NRXN1: variants seen among roughly 807,000 people sequenced by gnomAD.
The protein encoded by NRXN1 is neurexin-1.
NRXN1 carries 39 observed loss-of-function variants against 150.9 expected under a neutral mutation model. That is an observed-to-expected ratio of 0.26 (90% CI 0.20 to 0.34). NRXN1 has a LOEUF of 0.34. Ranked by LOEUF, NRXN1 falls within the 10% of genes least tolerant of loss-of-function variation. NRXN1 has a pLI of 1.00. For synonymous variants in NRXN1, 924 were observed against 757.0 expected, an observed-to-expected ratio of 1.22 and a Z score of -3.62; for missense variants, 1,815 against 1,949.9, an observed-to-expected ratio of 0.93 and a Z score of 1.30.
At chr2:50,861,761 AT>A (rs1208757283) in intron 5 of NRXN1, among the ~76,000 whole-genome samples, 10 of 152,018 alleles carry the variant, frequency 6.6e-5, no homozygotes, top group Non-Finnish European at 1.5e-4. Context: ...TTGAGCTGAT[AT>A]TTTTTTCCTA....
chr2:50,179,303 T>C lies in NRXN1; in HGVS notation c.3546+57486A>G, dbSNP rs979528022. On this transcript the variant is annotated intron_variant, in intron 18 of 22. Coordinates refer to ENST00000401669, the MANE Select transcript of NRXN1 (RefSeq NM_001330078.2). ...GCATATTAGCCACAGAGAAACAAGATACATAAATTCTGGGACCACCTAAAG... is the reference window on the plus strand; with the variant it reads ...GCATATTAGCCACAGAGAAACAAGACACATAAATTCTGGGACCACCTAAAG... Among the ~76,000 whole-genome samples, 4 of 152,216 alleles carry C rather than the reference T, an allele frequency of 2.6e-5. No homozygotes were observed. The South Asian group carries it at 8.3e-4, about 32-fold the overall frequency.
At chr2:50,611,371 G>A (rs1204145420) in intron 8 of NRXN1, among the ~76,000 whole-genome samples, 1 of 152,098 alleles carries the variant, frequency 6.6e-6, no homozygotes, top group Non-Finnish European at 1.5e-5. Flanking sequence ...AAAATGATGG[G>A]AAATAAAAAT....
At chr2:49,967,357 A>G (rs955692725) in intron 21 of NRXN1, among the ~76,000 whole-genome samples, 1 of 152,078 alleles carries the variant, frequency 6.6e-6, no homozygotes, top group Admixed American at 6.6e-5. Context: ...ACTCCCATAT[A>G]TTACATATAA....
intron 5 of NRXN1, among the ~76,000 whole-genome samples, chr2:50,803,221 T>C (rs1707857720): frequency 6.6e-6 from 1 of 152,220 alleles, no homozygotes; most frequent in African/African-American, 2.4e-5. Flanking sequence ...GAACTACTAA[T>C]AAATGTTTCA....
rs1337870884 is a variant in NRXN1, at chr2:50,252,025, C to T, written c.3365-15055G>A. Among the ~76,000 whole-genome samples the T allele has an allele frequency of 2.6e-5, 4 of 151,896 alleles. No homozygotes were observed. In the East Asian group the frequency reaches 7.7e-4, roughly 29 times the overall value. The stretch of plus-strand genomic sequence containing the variant: ...GATAGTTTCTTTTGCTGTGCAGAAG[C>T]TCTTTAGTTTAATTAGATCCCATTT... On this transcript the variant is annotated intron_variant, in intron 17 of 22. Transcript: ENST00000401669.
chr2:50,075,246 C>T (rs528893351), intron 19 of NRXN1, among the ~76,000 whole-genome samples: 78 of 152,156 alleles, frequency 5.1e-4, no homozygotes, highest in South Asian at 3.9e-3. Context: ...TCTACTTTGA[C>T]GAGTCACTGA....
At chr2:50,810,660 T>C (rs1257952149) in intron 5 of NRXN1, among the ~76,000 whole-genome samples, 1 of 152,136 alleles carries the variant, frequency 6.6e-6, no homozygotes, top group African/African-American at 2.4e-5. Context: ...TTAATCAGCA[T>C]AATAAGTAAG....
chr2:50,964,400 C>A (rs1693717349), intron 2 of NRXN1, among the ~76,000 whole-genome samples: 1 of 151,452 alleles, frequency 6.6e-6, no homozygotes, highest in South Asian at 2.1e-4. Context: ...GCATTCTGTA[C>A]CTTCTATTCC....
chr2:50,642,902 AC>A (rs1194320443), intron 5 of NRXN1, among the ~76,000 whole-genome samples: 1 of 151,994 alleles, frequency 6.6e-6, no homozygotes, highest in Non-Finnish European at 1.5e-5. Context: ...GTTTTACACT[AC>A]CTGTCAAAGA....
intron 5 of NRXN1, among the ~76,000 whole-genome samples, chr2:50,921,039 G>T (rs990969199): frequency 6.6e-6 from 1 of 151,632 alleles, no homozygotes; most frequent in Non-Finnish European, 1.5e-5. Context: ...AGATATTCCT[G>T]CATTTAAACT....
chr2:50,947,302 G>A (rs1440966621), intron 2 of NRXN1, among the ~76,000 whole-genome samples: 2 of 151,914 alleles, frequency 1.3e-5, no homozygotes, highest in Admixed American at 6.6e-5. Context: ...TTTGGTGAAT[G>A]AATAAATGAA....
intron 5 of NRXN1, among the ~76,000 whole-genome samples, chr2:50,802,356 G>A (rs2105701075): frequency 6.6e-6 from 1 of 152,236 alleles, no homozygotes; most frequent in African/African-American, 2.4e-5. Flanking sequence ...GTGGAGCATG[G>A]TGGTGGGTGC....
intron 17 of NRXN1, among the ~76,000 whole-genome samples, chr2:50,430,519 A>G (rs535863238): frequency 1.3e-5 from 2 of 152,354 alleles, no homozygotes; most frequent in African/African-American, 4.8e-5. Flanking sequence ...TTAAATTTAA[A>G]TAGTCACATG....
intron 9 of NRXN1, among the ~76,000 whole-genome samples, chr2:50,539,935 C>G (rs548001815): frequency 6.6e-6 from 1 of 152,102 alleles, no homozygotes; most frequent in Non-Finnish European, 1.5e-5. Context: ...ACCAAAAGCC[C>G]GCCCCAAGTG....
intron 5 of NRXN1, among the ~76,000 whole-genome samples, chr2:50,842,027 G>A (rs926198009): frequency 5.3e-5 from 8 of 152,148 alleles, no homozygotes; most frequent in South Asian, 2.1e-4. Flanking sequence ...CAAATAACTA[G>A]CTTGAATGAA....
intron 8 of NRXN1, among the ~76,000 whole-genome samples, chr2:50,571,399 G>A (rs1263274614): frequency 6.6e-6 from 1 of 152,148 alleles, no homozygotes; most frequent in African/African-American, 2.4e-5. Context: ...CAATGAGGAT[G>A]AAAAGTTTGA....
chr2:50,796,445 GCT>G (rs1005793905), intron 5 of NRXN1, among the ~76,000 whole-genome samples: 38 of 151,780 alleles, frequency 2.5e-4, no homozygotes, highest in African/African-American at 9.0e-4. Flanking sequence ...GAATGAACCC[GCT>G]CTCTCTCTCT....
chr2:50,430,934 T>C (rs76228450), intron 17 of NRXN1, among the ~76,000 whole-genome samples: 2 of 152,126 alleles, frequency 1.3e-5, no homozygotes, highest in African/African-American at 4.8e-5. Context: ...GAAAATACAC[T>C]AATGCCTCAT....
intron 17 of NRXN1, among the ~76,000 whole-genome samples, chr2:50,289,478 G>A (rs976492106): frequency 6.6e-6 from 1 of 152,070 alleles, no homozygotes; most frequent in Non-Finnish European, 1.5e-5. Flanking sequence ...TCATATGAAT[G>A]TGTGGTATAA....
Sources: allele counts gnomAD v4.1 joint callset (sites outside exome capture counted in the v4.1 genomes callset), GRCh38; gene constraint gnomAD v4.1.1; transcripts MANE v1.5; gene names NCBI Gene and HGNC (gene_info 2026-07-23, HGNC 2026-07-21).